PAPPA: variants seen among roughly 807,000 people sequenced by gnomAD.
The protein encoded by PAPPA is pappalysin 1, also known as pappalysin-1.
In PAPPA, 60 loss-of-function variants were observed where a neutral mutation model predicts 164.0. The ratio of observed to expected loss-of-function variants is 0.37; its 90% CI spans 0.30 to 0.45. The LOEUF is 0.45. PAPPA is among the 20% of genes least tolerant of loss of function. PAPPA has a pLI of 1.00. For synonymous variants in PAPPA, 875 were observed against 814.1 expected (o/e 1.07, Z -1.27); for missense variants, 1,782 against 2,087.3 (o/e 0.85, Z 2.85).
chr9:116,322,407 T>C (rs1163853202), intron 10 of PAPPA, among the ~76,000 whole-genome samples: 3 of 102,264 alleles, frequency 2.9e-5, no homozygotes, highest in East Asian at 3.0e-4. Context: ...GAAGACTTAG[T>C]CTCAAAAAAA....
intron 2 of PAPPA, among the ~76,000 whole-genome samples, chr9:116,203,550 A>G (rs1844195676): frequency 6.6e-6 from 1 of 152,164 alleles, no homozygotes; most frequent in Non-Finnish European, 1.5e-5. Context: ...AGGAGGACTC[A>G]TTTTCAGATA....
Position 116,193,603 on chromosome 9 carries a change from C to T in PAPPA, c.1478+5387C>T, listed in dbSNP as rs117232514. Among the ~76,000 whole-genome samples, 54 of 152,260 alleles carry T rather than the reference C, an allele frequency of 3.5e-4. No homozygotes were observed. In the East Asian group the frequency reaches 9.1e-3, roughly 26 times the overall value. The stretch of plus-strand genomic sequence containing the variant: ...TCCTACTCCCATGCTTTTTCAACTA[C>T]ACCCTATAGACACCTTAGACACCAG... On this transcript the variant is annotated intron_variant, in intron 2 of 21. Transcript: ENST00000328252.
intron 15 of PAPPA, among the ~76,000 whole-genome samples, chr9:116,349,671 T>C (rs557852234): frequency 2.0e-5 from 3 of 152,360 alleles, no homozygotes; most frequent in Admixed American, 1.3e-4. Flanking sequence ...TTAATGCTCA[T>C]TAGAGATTGG....
chr9:116,393,245 T>C (rs1287188608), intron 21 of PAPPA, among the ~76,000 whole-genome samples: 4 of 152,222 alleles, frequency 2.6e-5, no homozygotes, highest in African/African-American at 7.2e-5. Context: ...CTTTGCCTTC[T>C]ACCTTTCTCA....
At chr9:116,355,692 C>G (rs1846344725) in intron 17 of PAPPA, among the ~76,000 whole-genome samples, 1 of 152,190 alleles carries the variant, frequency 6.6e-6, no homozygotes, top group Non-Finnish European at 1.5e-5. Context: ...TGAAACTCAG[C>G]CTGCCTGGGG....
At chr9:116,253,913 A>G (rs1166678709) in intron 7 of PAPPA, among the ~76,000 whole-genome samples, 1 of 152,178 alleles carries the variant, frequency 6.6e-6, no homozygotes, top group African/African-American at 2.4e-5. Context: ...CTTTGCCTTC[A>G]GGTACTGCCT....
At chr9:116,239,733 A>G (rs1844714128) in intron 7 of PAPPA, among the ~76,000 whole-genome samples, 1 of 152,174 alleles carries the variant, frequency 6.6e-6, no homozygotes, top group Non-Finnish European at 1.5e-5. Context: ...GTCTAATTCC[A>G]AATTCCACCT....
chr9:116,203,484 A>T (rs987755061), intron 2 of PAPPA, among the ~76,000 whole-genome samples: 1 of 152,204 alleles, frequency 6.6e-6, no homozygotes, highest in Non-Finnish European at 1.5e-5. Flanking sequence ...CACACAGTGA[A>T]TATAACCCAA....
intron 2 of PAPPA, among the ~76,000 whole-genome samples, chr9:116,189,416 A>G (rs1202014327): frequency 6.6e-6 from 1 of 152,222 alleles, no homozygotes; most frequent in East Asian, 1.9e-4. Flanking sequence ...ATTTACCTGA[A>G]AAAAGAATAG....
rs150183558 is a variant in PAPPA, at chr9:116,220,129, G to A, written c.2111G>A (p.Arg704Lys). The A allele has an allele frequency of 1.2e-6, 2 of 1,611,102 alleles. No homozygotes were observed. The highest frequency in any genetic ancestry group is 1.1e-5 in the South Asian group (1 of 91,008). ...FPPIDGHFFE[R>K]ELGSACHLCL... ...CCTATAGATGGCCATTTCTTTGAAAGGTGAGTGTGCCCTGTGTAGTGTTGA... is the reference window on the plus strand; with the variant it reads ...CCTATAGATGGCCATTTCTTTGAAAAGTGAGTGTGCCCTGTGTAGTGTTGA... The change falls in exon 5 of 22, where the codon AGA (arginine) becomes AAA (lysine). Residue 704 changes from arginine (R) to lysine (K), a missense_variant and splice_region_variant. Physicochemically the swap from Arg to Lys is conservative, Grantham distance 26. Around this residue, in one of 2 missense-constraint regions of PAPPA, gnomAD observed 1,324 missense variants for 1,656.9 expected, o/e 0.80. Transcript: ENST00000328252.
intron 5 of PAPPA, among the ~76,000 whole-genome samples, chr9:116,226,482 A>G (rs1220188482): frequency 6.6e-6 from 1 of 152,214 alleles, no homozygotes; most frequent in Non-Finnish European, 1.5e-5. Flanking sequence ...GAATGATGAA[A>G]GAGTTATCAT....
At chr9:116,331,111 G>T in intron 10 of PAPPA, 133 bp from the exon 11 acceptor site, 1 of 617,206 alleles carries the variant, frequency 1.6e-6, no homozygotes, top group Non-Finnish European at 2.9e-6. Context: ...ACCAGATTCT[G>T]GTCTTTTCAT....
chr9:116,388,364 C>T (rs1466117301), intron 21 of PAPPA, among the ~76,000 whole-genome samples: 1 of 152,152 alleles, frequency 6.6e-6, no homozygotes. Flanking sequence ...AAAAAAAATT[C>T]AATTTATAAT....
At chr9:116,202,829 T>TA (rs1351511887) in intron 2 of PAPPA, among the ~76,000 whole-genome samples, 1 of 152,130 alleles carries the variant, frequency 6.6e-6, no homozygotes, top group Non-Finnish European at 1.5e-5. Context: ...TTCTTGCAAT[T>TA]AAAAAAATAT....
At position 116,239,072 on chromosome 9, in the gene PAPPA, T is replaced by C. The variant is rs76990286; in HGVS notation, c.2732+3435T>C. Among the ~76,000 whole-genome samples, 172 of 152,328 alleles carry C rather than the reference T, an allele frequency of 1.1e-3. 1 individual carries two copies. In the East Asian group the frequency reaches 0.021, roughly 18 times the overall value. Reference sequence around the variant, plus strand: ...GACTCAACCCATTACATGATTCCCTTTGACCTTTGTCTTCATTTTTTTTCT... The same window carrying C: ...GACTCAACCCATTACATGATTCCCTCTGACCTTTGTCTTCATTTTTTTTCT... On this transcript the variant is annotated intron_variant, in intron 7 of 21. Coordinates refer to ENST00000328252, the MANE Select transcript of PAPPA (RefSeq NM_002581.5).
chr9:116,200,597 A>G (rs1844161331), intron 2 of PAPPA, among the ~76,000 whole-genome samples: 3 of 152,158 alleles, frequency 2.0e-5, no homozygotes, highest in Non-Finnish European at 4.4e-5. Flanking sequence ...AACTTTCCCA[A>G]ATGGTAGTGT....
At chr9:116,184,952 A>AGGG (rs1322415484) in intron 1 of PAPPA, among the ~76,000 whole-genome samples, 1 of 152,172 alleles carries the variant, frequency 6.6e-6, no homozygotes, top group East Asian at 1.9e-4. Context: ...TTCGGCAGAG[A>AGGG]GGGGATAATG....
At chr9:116,381,009 G>A (rs954342033) in intron 20 of PAPPA, among the ~76,000 whole-genome samples, 6 of 152,180 alleles carry the variant, frequency 3.9e-5, no homozygotes, top group African/African-American at 1.2e-4. Context: ...GATCTTTAGA[G>A]ACCCCAACCA....
intron 6 of PAPPA, 42 bp from the exon 7 acceptor site, chr9:116,235,097 G>T: frequency 6.2e-7 from 1 of 1,611,618 alleles, no homozygotes; most frequent in South Asian, 1.1e-5. Flanking sequence ...TGGGAATAAA[G>T]CTCTTTCCCC....
Sources: gnomAD v4.1 joint callset for allele counts (sites outside exome capture counted in the v4.1 genomes callset) on GRCh38, gnomAD v4.1.1 for gene constraint, gnomAD v4.1.1 regional missense constraint, MANE v1.5 for transcripts, NCBI Gene and HGNC (gene_info 2026-07-23, HGNC 2026-07-21) for gene names.